Variants in CRTC1 observed in about 807,000 individuals in gnomAD.
CRTC1 encodes CREB regulated transcription coactivator 1.
In CRTC1, 18 loss-of-function variants were observed where a neutral mutation model predicts 66.1. That is an observed-to-expected ratio of 0.27 (90% CI 0.19 to 0.40). The LOEUF is 0.40. CRTC1 is among the 10% of genes least tolerant of loss of function. The pLI is 1.00. For synonymous variants in CRTC1, 416 were observed against 398.8 expected, an observed-to-expected ratio of 1.04 and a Z score of -0.51; for missense variants, 669 against 887.9, an observed-to-expected ratio of 0.75 and a Z score of 3.13.
At chr19:18,717,535 G>A (rs1404468961) in intron 1 of CRTC1, among the ~76,000 whole-genome samples, 1 of 152,156 alleles carries the variant, frequency 6.6e-6, no homozygotes, top group South Asian at 2.1e-4. Flanking sequence ...ACTCACAGGA[G>A]CCTGTGTTTC....
chr19:18,736,837 A>G (rs565599965), intron 1 of CRTC1, among the ~76,000 whole-genome samples: 13 of 152,174 alleles, frequency 8.5e-5, no homozygotes, highest in African/African-American at 2.6e-4. Flanking sequence ...GCTTCCCTCA[A>G]TCTCATTAGA....
chr19:18,751,716 G>T (rs1207661177), intron 5 of CRTC1, among the ~76,000 whole-genome samples: 3 of 152,106 alleles, frequency 2.0e-5, no homozygotes, highest in Non-Finnish European at 2.9e-5. Flanking sequence ...GGCCGCTGCT[G>T]CCATGAGTGC....
At chr19:18,688,385 G>A (rs1301111991) in intron 1 of CRTC1, among the ~76,000 whole-genome samples, 4 of 152,080 alleles carry the variant, frequency 2.6e-5, no homozygotes, top group Admixed American at 2.6e-4. Context: ...CAAGAGCTTG[G>A]ATCTCCCCTG....
At chr19:18,690,749 G>T (rs1474066521) in intron 1 of CRTC1, among the ~76,000 whole-genome samples, 3 of 152,078 alleles carry the variant, frequency 2.0e-5, no homozygotes, top group East Asian at 3.8e-4. Flanking sequence ...GCCATGGCTG[G>T]GCGCAGTGGC....
intron 1 of CRTC1, among the ~76,000 whole-genome samples, chr19:18,708,092 C>A (rs754614553): frequency 2.0e-5 from 3 of 152,036 alleles, no homozygotes; most frequent in African/African-American, 7.2e-5. Context: ...GTCCGAGTTG[C>A]CGGTGCAAGA....
chr19:18,738,630 C>T (rs2054048717), intron 1 of CRTC1, among the ~76,000 whole-genome samples: 1 of 152,150 alleles, frequency 6.6e-6, no homozygotes, highest in South Asian at 2.1e-4. Context: ...GGCGAAACCC[C>T]ATCTCTACTA....
At chr19:18,720,649 A>G (rs2053606011) in intron 1 of CRTC1, among the ~76,000 whole-genome samples, 1 of 147,224 alleles carries the variant, frequency 6.8e-6, no homozygotes, top group Admixed American at 6.8e-5. Flanking sequence ...AACAGGCGTG[A>G]GCCACCACGC....
At chr19:18,761,041 G>C (rs2054602867) in intron 8 of CRTC1, among the ~76,000 whole-genome samples, 1 of 151,936 alleles carries the variant, frequency 6.6e-6, no homozygotes, top group Non-Finnish European at 1.5e-5. Flanking sequence ...TGTCCACCCT[G>C]GCCCACCCTC....
At position 18,709,878 on chromosome 19, in the gene CRTC1, C is replaced by T. The variant is rs148787027; in HGVS notation, c.126+26050C>T. Among the ~76,000 whole-genome samples, 117 of 152,304 alleles carry T rather than the reference C, an allele frequency of 7.7e-4. No homozygotes were observed. The East Asian group carries it at 0.019, about 24-fold the overall frequency. ...GCCCTGCCCTGGCCCATCAGTCCTG[C>T]CTCCTCCAGCAGCGGTGACTTTGCC... On this transcript the variant is annotated intron_variant, in intron 1 of 13. Transcript: ENST00000321949.
intron 1 of CRTC1, among the ~76,000 whole-genome samples, chr19:18,718,291 A>T (rs149052409): frequency 6.6e-6 from 1 of 151,932 alleles, no homozygotes; most frequent in African/African-American, 2.4e-5. Context: ...TCAGCATCAC[A>T]TGTTCAGTTT....
At position 18,683,832 on chromosome 19, in the gene CRTC1, A is replaced by AG; in HGVS notation, c.126+9dup. On this transcript the variant is annotated splice_donor_region_variant and intron_variant, in intron 1 of 13. Coordinates refer to ENST00000321949, the MANE Select transcript of CRTC1 (RefSeq NM_015321.3). ...GAGCCTGACGCGGGCCGCGCGGGTA[A>AG]GGGGGCTGCCCGCGCCGACCCTTCA... is the stretch of plus-strand genomic sequence containing the variant. The AG allele has an allele frequency of 2.4e-6, 3 of 1,247,292 alleles. No homozygotes were observed. Among genetic ancestry groups the AG allele is most frequent in the Non-Finnish European group, 3.1e-6 (3 of 965,644 alleles). The allele number at this position is 1,247,292 out of a possible 1,614,324, so 77.3% of individuals were successfully genotyped here. A position where few individuals can be genotyped will look rare whatever the true frequency, so the allele number is the denominator to read the frequency against.
intron 6 of CRTC1, among the ~76,000 whole-genome samples, chr19:18,754,418 C>T (rs996669596): frequency 2.0e-5 from 3 of 152,138 alleles, no homozygotes; most frequent in South Asian, 2.1e-4. Flanking sequence ...GAGGGTGAGG[C>T]GGGAGTATCA....
chr19:18,776,283 A>G (rs1252595957), intron 13 of CRTC1, among the ~76,000 whole-genome samples: 1 of 152,232 alleles, frequency 6.6e-6, no homozygotes. Flanking sequence ...ACGCCCAAGC[A>G]GTCTGAGCAC....
intron 1 of CRTC1, among the ~76,000 whole-genome samples, chr19:18,715,685 G>T (rs1406090836): frequency 1.3e-5 from 2 of 152,242 alleles, no homozygotes; most frequent in African/African-American, 4.8e-5. Flanking sequence ...TCAGTGTGTG[G>T]ACATCATGAT....
intron 1 of CRTC1, among the ~76,000 whole-genome samples, chr19:18,742,147 A>G (rs1600903561): frequency 6.6e-6 from 1 of 152,136 alleles, no homozygotes; most frequent in African/African-American, 2.4e-5. Flanking sequence ...GTTACTGGCA[A>G]ATCAGCATCA....
In CRTC1 at chr19:18,781,690, A is replaced by G. The variant is rs2055107125; in HGVS notation, c.*4308A>G. On this transcript the variant is annotated 3_prime_UTR_variant, in exon 14 of 14. Coordinates refer to ENST00000321949, the MANE Select transcript of CRTC1 (RefSeq NM_015321.3). ...CAGTTTCTCTCTTGTCACTTTCTCA[A>G]ACCTGCAGGTCTCAGGGCCCCGGGC... 4.4e-6 allele frequency: 1 copy of G among 229,826 alleles called. No homozygotes were observed. Among genetic ancestry groups the G allele is most frequent in the Admixed American group, 5.7e-5 (1 of 17,658 alleles). The allele number at this position is 229,826 out of a possible 1,614,324, so 14.2% of individuals were successfully genotyped here. A position where few individuals can be genotyped will look rare whatever the true frequency, so the allele number is the denominator to read the frequency against.
chr19:18,753,636 G>T, intron 6 of CRTC1, 51 bp downstream of exon 6: 1 of 1,402,468 alleles, frequency 7.1e-7, no homozygotes, highest in South Asian at 1.2e-5. Context: ...CTCTTCTCAA[G>T]CATCACCTGG....
rs2055080938 is a variant in CRTC1, at chr19:18,780,411, C to T, written c.*3029C>T. 2 of 232,210 alleles carry T rather than the reference C, an allele frequency of 8.6e-6. No homozygotes were observed. Among genetic ancestry groups the T allele is most frequent in the Non-Finnish European group, 8.5e-6 (1 of 117,448 alleles). 14.4% of individuals were successfully genotyped at this position (232,210 alleles called of 1,614,324 possible). A position where few individuals can be genotyped will look rare whatever the true frequency, so the allele number is the denominator to read the frequency against. ...AGGGTGTAGCCCAAGTTCAGCCTCT[C>T]TCTGTGTCCTCCAGAGAAGAGGGTT... is the stretch of plus-strand genomic sequence containing the variant. On this transcript the variant is annotated 3_prime_UTR_variant, in exon 14 of 14. Coordinates refer to ENST00000321949, the MANE Select transcript of CRTC1 (RefSeq NM_015321.3).
rs769035575 is a variant in CRTC1 at position 18,742,908 on chromosome 19, A to G, written c.127-2A>G. 1.9e-6 allele frequency: 3 copies of G among 1,611,648 alleles called. No homozygotes were observed. Among genetic ancestry groups the G allele is most frequent in the Non-Finnish European group, 2.5e-6 (3 of 1,178,314 alleles). On this transcript the variant is annotated splice_acceptor_variant, in intron 1 of 13. Coordinates refer to ENST00000321949, the MANE Select transcript of CRTC1 (RefSeq NM_015321.3). LOFTEE classifies it high-confidence loss of function. ...CCGCAGCTGCTGGCTTCTCTCTCGCAGCTCCAGCTCCAGAAATCCCAGTAC... is the reference window on the plus strand; with the variant it reads ...CCGCAGCTGCTGGCTTCTCTCTCGCGGCTCCAGCTCCAGAAATCCCAGTAC...
Sources: allele counts gnomAD v4.1 joint callset (sites outside exome capture counted in the v4.1 genomes callset), GRCh38; gene constraint gnomAD v4.1.1; transcripts MANE v1.5; gene names NCBI Gene and HGNC (gene_info 2026-07-23, HGNC 2026-07-21).